Variants in UNC5D observed in about 807,000 individuals in gnomAD.
UNC5D encodes the protein unc-5 netrin receptor D.
In UNC5D, 39 loss-of-function variants were observed where a neutral mutation model predicts 105.4. The ratio of observed to expected loss-of-function variants is 0.37; its 90% CI spans 0.29 to 0.48. The LOEUF (loss-of-function observed/expected upper bound fraction) is 0.48. Ranked by LOEUF, UNC5D falls within the 20% of genes least tolerant of loss-of-function variation. The pLI, the probability that UNC5D is intolerant of heterozygous loss-of-function variation, is 0.98. For missense variants in UNC5D, 991 were observed against 1,202.4 expected (o/e 0.82, Z 2.60); for synonymous variants, 452 against 450.4 (o/e 1.00, Z -0.04).
chr8:35,783,882 AAACAGAAGGCTCAAT>A, intron 16 of UNC5D, among the ~76,000 whole-genome samples: 1 of 152,336 alleles, frequency 6.6e-6, no homozygotes, highest in African/African-American at 2.4e-5. Flanking sequence ...CCAAAAAAGA[AAACAGAAGGCTCAAT>A]AACTATTTCC....
At chr8:35,439,489 T>G (rs908656716) in intron 1 of UNC5D, among the ~76,000 whole-genome samples, 12 of 152,062 alleles carry the variant, frequency 7.9e-5, no homozygotes, top group African/African-American at 2.9e-4. Context: ...TGGTAACTAC[T>G]TGGGCAAGTT....
chr8:35,542,450 A>G (rs1815346882), intron 1 of UNC5D, among the ~76,000 whole-genome samples: 1 of 152,190 alleles, frequency 6.6e-6, no homozygotes, highest in Non-Finnish European at 1.5e-5. Flanking sequence ...GAAGTTAAAG[A>G]GCTAATTCTA....
At chr8:35,741,279 T>A (rs1713494871) in intron 11 of UNC5D, among the ~76,000 whole-genome samples, 1 of 152,156 alleles carries the variant, frequency 6.6e-6, no homozygotes, top group Non-Finnish European at 1.5e-5. Flanking sequence ...TTGCTCAAAT[T>A]TCAGCAAATT....
intron 1 of UNC5D, among the ~76,000 whole-genome samples, chr8:35,338,266 C>A (rs548072827): frequency 6.6e-6 from 1 of 152,036 alleles, no homozygotes; most frequent in Admixed American, 6.6e-5. Context: ...TTGTTGAAAT[C>A]GTCAAATTTG....
chr8:35,298,586 G>GT (rs35299004), intron 1 of UNC5D, among the ~76,000 whole-genome samples: 10,402 of 110,498 alleles, frequency 0.094, 898 homozygotes, highest in African/African-American at 0.2. Context: ...ATTGTTGTAG[G>GT]TTTTTTTTTT....
chr8:35,400,053 G>T (rs1804358796), intron 1 of UNC5D, among the ~76,000 whole-genome samples: 1 of 152,130 alleles, frequency 6.6e-6, no homozygotes. Flanking sequence ...CAGGCCCATT[G>T]TGATCATGAA....
intron 1 of UNC5D, among the ~76,000 whole-genome samples, chr8:35,347,127 T>G (rs1194317176): frequency 1.3e-5 from 2 of 152,018 alleles, no homozygotes; most frequent in Non-Finnish European, 2.9e-5. Flanking sequence ...GAAAATGGCC[T>G]TTGAGTCTTG....
chr8:35,293,512 T>C (rs1434851887), intron 1 of UNC5D, among the ~76,000 whole-genome samples: 3 of 152,224 alleles, frequency 2.0e-5, no homozygotes, highest in African/African-American at 7.2e-5. Flanking sequence ...TCAAGTCATC[T>C]TCCATCAACT....
intron 1 of UNC5D, among the ~76,000 whole-genome samples, chr8:35,307,025 C>T (rs551945274): frequency 1.3e-5 from 2 of 152,158 alleles, no homozygotes; most frequent in South Asian, 4.1e-4. Flanking sequence ...CCACAGTATC[C>T]AATCTTTTGG....
chr8:35,437,339 T>A (rs1327921784), intron 1 of UNC5D, among the ~76,000 whole-genome samples: 1 of 152,016 alleles, frequency 6.6e-6, no homozygotes, highest in Non-Finnish European at 1.5e-5. Context: ...AATGAGTAGA[T>A]GGTACATCTC....
chr8:35,732,334 T>C (rs1404568973), intron 11 of UNC5D, among the ~76,000 whole-genome samples: 1 of 152,198 alleles, frequency 6.6e-6, no homozygotes, highest in African/African-American at 2.4e-5. Flanking sequence ...TTAGGGGATT[T>C]GTGTGCAGGT....
intron 1 of UNC5D, among the ~76,000 whole-genome samples, chr8:35,261,003 T>C (rs915972450): frequency 6.6e-6 from 1 of 152,200 alleles, no homozygotes; most frequent in Non-Finnish European, 1.5e-5. Flanking sequence ...AGAGGTATCA[T>C]AATTTCCCTT....
chr8:35,440,635 C>T (rs1374589355), intron 1 of UNC5D, among the ~76,000 whole-genome samples: 1 of 151,870 alleles, frequency 6.6e-6, no homozygotes, highest in Non-Finnish European at 1.5e-5. Context: ...CCCTTTGCAT[C>T]ACATCTCCTC....
chr8:35,695,956 C>T (rs1586460555), intron 7 of UNC5D, among the ~76,000 whole-genome samples: 1 of 151,874 alleles, frequency 6.6e-6, no homozygotes, highest in South Asian at 2.1e-4. Flanking sequence ...GCTGGTCTCA[C>T]ACTCCTGACC....
intron 9 of UNC5D, among the ~76,000 whole-genome samples, chr8:35,724,898 C>A (rs918841653): frequency 6.6e-6 from 1 of 152,126 alleles, no homozygotes; most frequent in African/African-American, 2.4e-5. Flanking sequence ...GCGCAGCTCC[C>A]TGATGGTACC....
intron 1 of UNC5D, among the ~76,000 whole-genome samples, chr8:35,320,344 G>A (rs1809639248): frequency 6.6e-6 from 1 of 152,058 alleles, no homozygotes; most frequent in African/African-American, 2.4e-5. Context: ...GAGTTGTGGA[G>A]ATCAAGGTTT....
At chr8:35,593,925 C>T (rs1362412038) in intron 3 of UNC5D, among the ~76,000 whole-genome samples, 2 of 152,208 alleles carry the variant, frequency 1.3e-5, no homozygotes. Flanking sequence ...CCTTGTGAGA[C>T]AGCAGAGGAG....
At chr8:35,591,808 A>G (rs1819193623) in intron 3 of UNC5D, among the ~76,000 whole-genome samples, 1 of 152,190 alleles carries the variant, frequency 6.6e-6, no homozygotes, top group Non-Finnish European at 1.5e-5. Context: ...TGATAGAACA[A>G]GGAAAACAGA....
chr8:35,527,626 T>C (rs1253822487), intron 1 of UNC5D, among the ~76,000 whole-genome samples: 3 of 152,112 alleles, frequency 2.0e-5, no homozygotes, highest in Non-Finnish European at 2.9e-5. Flanking sequence ...CACTGCAACC[T>C]CTGCTTCCTG....
Sources: allele counts gnomAD v4.1 joint callset (sites outside exome capture counted in the v4.1 genomes callset), GRCh38; gene constraint gnomAD v4.1.1; transcripts MANE v1.5; gene names NCBI Gene and HGNC (gene_info 2026-07-23, HGNC 2026-07-21).